Variants in CNBD1 observed in about 807,000 individuals in gnomAD.
CNBD1 encodes the protein cyclic nucleotide-binding domain-containing protein 1.
Under a neutral mutation model 54.4 loss-of-function variants are expected in CNBD1, and 71 were observed. That is an observed-to-expected ratio of 1.30 (90% confidence interval 1.08 to 1.59). CNBD1 has a LOEUF of 1.59. Ranked by LOEUF, CNBD1 falls within the 40% of genes most tolerant of loss-of-function variation. The probability of loss-of-function intolerance (pLI) is 0.00; values close to 1 mark genes in which losing one functional copy is unlikely to be tolerated. For missense variants in CNBD1, 659 were observed against 518.0 expected (o/e 1.27, Z -2.64); for synonymous variants, 182 against 170.7 (o/e 1.07, Z -0.51).
At chr8:87,217,600 G>A (rs1416961553) in intron 5 of CNBD1, among the ~76,000 whole-genome samples, 1 of 150,126 alleles carries the variant, frequency 6.7e-6, no homozygotes, top group Non-Finnish European at 1.5e-5. Flanking sequence ...AATAGCCACA[G>A]GGACTGTTAA....
At chr8:86,923,846 CA>C (rs1215829443) in intron 3 of CNBD1, among the ~76,000 whole-genome samples, 1 of 152,150 alleles carries the variant, frequency 6.6e-6, no homozygotes, top group Non-Finnish European at 1.5e-5. Flanking sequence ...CAGGTGACAT[CA>C]GAACAGAATA....
At chr8:86,902,027 G>A (rs77372032) in intron 2 of CNBD1, among the ~76,000 whole-genome samples, 13,877 of 152,124 alleles carry the variant, frequency 0.091, 896 homozygotes, top group African/African-American at 0.19. Flanking sequence ...TTATATAAGC[G>A]TAGGCAGGTA....
chr8:87,395,045 T>G (rs1811384216), intron 2 of CNBD1, among the ~76,000 whole-genome samples: 1 of 151,820 alleles, frequency 6.6e-6, no homozygotes, highest in Non-Finnish European at 1.5e-5. Flanking sequence ...TCAAAAGCAC[T>G]TCGCTTAATG....
chr8:87,364,598 A>T (rs1418118903), intron 10 of CNBD1, among the ~76,000 whole-genome samples: 1 of 151,916 alleles, frequency 6.6e-6, no homozygotes, highest in East Asian at 1.9e-4. Context: ...CTAGGTATCA[A>T]GCCTAGTTCC....
At chr8:87,096,936 G>A (rs1003441993) in intron 4 of CNBD1, among the ~76,000 whole-genome samples, 5 of 152,124 alleles carry the variant, frequency 3.3e-5, no homozygotes, top group Non-Finnish European at 5.9e-5. Flanking sequence ...ACTGGATAAA[G>A]TGTTAATCAA....
At chr8:87,317,600 CA>C (rs1342912522) in intron 8 of CNBD1, among the ~76,000 whole-genome samples, 2 of 151,358 alleles carry the variant, frequency 1.3e-5, no homozygotes, top group African/African-American at 4.9e-5. Flanking sequence ...CCATTTTGGC[CA>C]AAGATCATGT....
At chr8:87,066,085 G>C (rs2130645821) in intron 4 of CNBD1, among the ~76,000 whole-genome samples, 1 of 152,098 alleles carries the variant, frequency 6.6e-6, no homozygotes, top group Non-Finnish European at 1.5e-5. Flanking sequence ...TTGTCAGCAT[G>C]ACAGTGATTT....
At chr8:86,887,358 T>G (rs1423237297) in intron 1 of CNBD1, among the ~76,000 whole-genome samples, 184 bp from the exon 2 acceptor site, 2 of 152,160 alleles carry the variant, frequency 1.3e-5, no homozygotes, top group Non-Finnish European at 2.9e-5. Flanking sequence ...AACATTAAAT[T>G]CTTTCCTCAC....
At chr8:87,351,408 C>G (rs1030048307) in intron 8 of CNBD1, among the ~76,000 whole-genome samples, 1 of 152,136 alleles carries the variant, frequency 6.6e-6, no homozygotes, top group Non-Finnish European at 1.5e-5. Flanking sequence ...CTATATTCCC[C>G]TTTCCTTCCT....
intron 4 of CNBD1, among the ~76,000 whole-genome samples, chr8:87,006,538 A>G (rs1809101120): frequency 6.6e-6 from 1 of 152,060 alleles, no homozygotes; most frequent in Non-Finnish European, 1.5e-5. Flanking sequence ...GCTTTTATTT[A>G]TGAAGGAAGG....
At position 87,333,102 on chromosome 8, in the gene CNBD1, G is replaced by A. The variant is rs1246843153; in HGVS notation, c.1043-18583G>A. On this transcript the variant is annotated intron_variant, in intron 8 of 10. Coordinates refer to ENST00000518476, the MANE Select transcript of CNBD1 (RefSeq NM_173538.3). ...AGGTTCTTCATGTCCCTTGTTAGAT[G>A]TATCTCTAGGTATTTTATTCTCTTC... 4.6e-5 allele frequency among the ~76,000 whole-genome samples: 7 copies of A among 152,206 alleles called. No homozygotes were observed. The South Asian group carries it at 8.3e-4, about 18-fold the overall frequency.
chr8:86,975,712 C>T (rs571013566), intron 4 of CNBD1, among the ~76,000 whole-genome samples: 10 of 152,064 alleles, frequency 6.6e-5, no homozygotes, highest in Admixed American at 5.2e-4. Context: ...ATCTCTTTGA[C>T]GTGCTGATTT....
At chr8:86,942,948 C>A (rs998660488) in intron 4 of CNBD1, among the ~76,000 whole-genome samples, 3 of 151,972 alleles carry the variant, frequency 2.0e-5, no homozygotes, top group African/African-American at 7.3e-5. Context: ...CTAATTAAAC[C>A]ATGATCAGAT....
chr8:87,202,731 A>G (rs1330454266), intron 4 of CNBD1, among the ~76,000 whole-genome samples: 2 of 152,144 alleles, frequency 1.3e-5, no homozygotes, highest in East Asian at 1.9e-4. Flanking sequence ...TGAGTACTGA[A>G]TGAGTCCGAA....
chr8:86,917,277 T>C (rs569179510), intron 3 of CNBD1, among the ~76,000 whole-genome samples: 1 of 152,322 alleles, frequency 6.6e-6, no homozygotes, highest in African/African-American at 2.4e-5. Context: ...CTGTGTCCAC[T>C]GACATTATGT....
intron 4 of CNBD1, among the ~76,000 whole-genome samples, chr8:87,024,055 G>A (rs918661362): frequency 3.3e-5 from 5 of 151,722 alleles, no homozygotes; most frequent in African/African-American, 1.2e-4. Context: ...GGCTAACACG[G>A]TGAAACCCCG....
chr8:87,213,158 C>A (rs981062296), intron 5 of CNBD1, among the ~76,000 whole-genome samples: 37 of 152,180 alleles, frequency 2.4e-4, no homozygotes, highest in African/African-American at 8.7e-4. Flanking sequence ...GCATACTACT[C>A]CATCCCCACT....
intron 8 of CNBD1, among the ~76,000 whole-genome samples, chr8:87,294,822 A>G (rs541138234): frequency 2.0e-5 from 3 of 152,190 alleles, no homozygotes; most frequent in East Asian, 1.9e-4. Context: ...TTTTTTTACT[A>G]TGAAAGGATT....
chr8:87,172,356 G>A (rs1813106339), intron 4 of CNBD1, among the ~76,000 whole-genome samples: 1 of 152,050 alleles, frequency 6.6e-6, no homozygotes, highest in South Asian at 2.1e-4. Context: ...GCTATTGGAT[G>A]AAATGCTCTG....
Sources: allele counts gnomAD v4.1 joint callset (sites outside exome capture counted in the v4.1 genomes callset), GRCh38; gene constraint gnomAD v4.1.1; transcripts MANE v1.5; gene names NCBI Gene and HGNC (gene_info 2026-07-23, HGNC 2026-07-21).